The following USP10 variants were observed in gnomAD, a reference collection of about 807,000 sequenced individuals.
The protein encoded by USP10 is ubiquitin carboxyl-terminal hydrolase 10.
USP10 carries 22 observed loss-of-function variants against 84.5 expected under a neutral mutation model. The observed-to-expected ratio is 0.26, with a 90% CI of 0.19 to 0.37. The LOEUF (loss-of-function observed/expected upper bound fraction) is 0.37, where lower values mean the gene tolerates loss of function less well. Among genes scored for constraint, USP10 ranks in the 10% least tolerant of loss-of-function variants. The pLI is 1.00. For synonymous variants in USP10, 454 were observed against 387.6 expected (o/e 1.17, Z -2.01); for missense variants, 1,019 against 998.9 (o/e 1.02, Z -0.27).
intron 10 of USP10, among the ~76,000 whole-genome samples, chr16:84,765,073 C>CA (rs1422542387): frequency 1.2e-3 from 162 of 136,920 alleles, no homozygotes; most frequent in African/African-American, 1.8e-3. Flanking sequence ...AGACTGTCTT[C>CA]AAAAAAAAAA....
intron 5 of USP10, 102 bp downstream of exon 5, chr16:84,758,909 A>G: frequency 1.2e-6 from 1 of 818,320 alleles, no homozygotes; most frequent in Non-Finnish European, 2.1e-6. Flanking sequence ...CTAGCTCTCC[A>G]TTTGAATCCC....
chr16:84,764,559 G>A (rs12932991), intron 10 of USP10, among the ~76,000 whole-genome samples: 2,142 of 152,252 alleles, frequency 0.014, 22 homozygotes, highest in Non-Finnish European at 0.023. Context: ...GGCCATACGC[G>A]GTGGTTCATG....
intron 1 of USP10, among the ~76,000 whole-genome samples, chr16:84,729,316 A>G (rs182657433): frequency 6.6e-6 from 1 of 152,334 alleles, no homozygotes; most frequent in East Asian, 1.9e-4. Flanking sequence ...CAAAATGTGC[A>G]TTGCAATTCT....
chr16:84,748,572 G>C lies in USP10; in HGVS notation c.1192+2899G>C, dbSNP rs553916879. 3.8e-3 allele frequency among the ~76,000 whole-genome samples: 584 copies of C among 152,260 alleles called. 2 individuals are homozygous for C. The highest frequency in any genetic ancestry group is 5.8e-3 in the Non-Finnish European group (392 of 68,018). On this transcript the variant is annotated intron_variant, in intron 4 of 13. Coordinates refer to ENST00000219473, the MANE Select transcript of USP10 (RefSeq NM_005153.3). ...TCCTGCCTCAGCCTCTCAAAGTGCT[G>C]AGATTACAGGCGTGAGCCACCGCGC...
intron 1 of USP10, among the ~76,000 whole-genome samples, chr16:84,726,880 G>A (rs780494484): frequency 5.3e-5 from 8 of 152,212 alleles, no homozygotes; most frequent in Non-Finnish European, 7.3e-5. Flanking sequence ...CACAGGACGC[G>A]GGAAAGGAGC....
chr16:84,745,096 G>T lies in USP10; in HGVS notation c.615G>T (p.Thr205=), dbSNP rs141228656. ...EFMGDMPPSV[T]PRTCNSPQNS... ...TGGGTGACATGCCCCCGTCAGTTAC[G>T]CCCAGGACTTGTAACAGCCCCCAGA... is the stretch of plus-strand genomic sequence containing the variant. Residue 205 remains threonine, a synonymous_variant, in exon 4 of 14, where the codon ACG becomes ACT. Coordinates refer to ENST00000219473, the MANE Select transcript of USP10 (RefSeq NM_005153.3). The T allele has an allele frequency of 1.1e-5, 17 of 1,613,552 alleles. No individual in the cohort carries two copies. The South Asian group carries it at 1.5e-4, about 15-fold the overall frequency.
intron 4 of USP10, among the ~76,000 whole-genome samples, chr16:84,754,989 G>GGA (rs796755961): frequency 6.9e-6 from 1 of 145,876 alleles, no homozygotes; most frequent in East Asian, 2.0e-4. Flanking sequence ...CTTTGTCCCA[G>GGA]AAAAAAAAAA....
chr16:84,738,916 G>A (rs986411075), intron 2 of USP10, among the ~76,000 whole-genome samples: 6 of 152,274 alleles, frequency 3.9e-5, no homozygotes, highest in East Asian at 1.9e-4. Flanking sequence ...TGAACTTTGC[G>A]GCCCTAGGGC....
In USP10 at chr16:84,749,242, C is replaced by G. The variant is rs1290392820; in HGVS notation, c.1192+3569C>G. Among the ~76,000 whole-genome samples, 4 of 152,152 alleles carry G rather than the reference C, an allele frequency of 2.6e-5. No homozygotes were observed. The East Asian group carries it at 5.8e-4, about 22-fold the overall frequency. On this transcript the variant is annotated intron_variant, in intron 4 of 13. Transcript: ENST00000219473. ...ATACTCAGTTTGTTACAAGTCAGAT[C>G]CACTACCACAAATTCCCTTTAGTGG...
At position 84,740,389 on chromosome 16, in the gene USP10, AT is replaced by A. The variant is rs1024088091; in HGVS notation, c.151+23del. ...CTGATGGTAAGCTAGTTCTCTCCTT[AT>A]TTCCCTGAAGGGAATTTGGCCATAC... On this transcript the variant is annotated intron_variant, in intron 3 of 13. Transcript: ENST00000219473. 6 of 1,608,044 alleles carry A rather than the reference AT, an allele frequency of 3.7e-6. No homozygotes were observed. Among genetic ancestry groups the A allele is most frequent in the Non-Finnish European group, 5.1e-6 (6 of 1,176,116 alleles).
chr16:84,740,530 C>G (rs1218659784), intron 3 of USP10, among the ~76,000 whole-genome samples, 161 bp downstream of exon 3: 4 of 152,252 alleles, frequency 2.6e-5, no homozygotes. Flanking sequence ...ATCACTTTGA[C>G]TAGTGAATTG....
At chr16:84,701,635 T>A (rs1336226233) in intron 1 of USP10, among the ~76,000 whole-genome samples, 2 of 152,200 alleles carry the variant, frequency 1.3e-5, no homozygotes, top group Non-Finnish European at 2.9e-5. Context: ...ATAGCTCACT[T>A]CCTTTATTTA....
In USP10 at chr16:84,769,846, G is replaced by T. The variant is rs1233106671; in HGVS notation, c.1998+1488G>T. The stretch of plus-strand genomic sequence containing the variant: ...CTGGGGTGGGCTGGTAGGGGTGGCG[G>T]TGTGGGGGCAGGGGTTGAGGCGCAG... On this transcript the variant is annotated intron_variant, in intron 11 of 13. Transcript: ENST00000219473. Among the ~76,000 whole-genome samples the T allele has an allele frequency of 2.0e-5, 3 of 152,048 alleles. No individual in the cohort carries two copies. In the East Asian group the frequency reaches 5.8e-4, roughly 29 times the overall value.
intron 2 of USP10, among the ~76,000 whole-genome samples, chr16:84,739,526 G>C (rs541113275): frequency 5.9e-5 from 9 of 152,080 alleles, no homozygotes; most frequent in African/African-American, 1.2e-4. Flanking sequence ...ACCCACCTCA[G>C]CCTCCCTCAT....
At chr16:84,718,220 T>TAA (rs1907309090) in intron 1 of USP10, among the ~76,000 whole-genome samples, 1 of 152,170 alleles carries the variant, frequency 6.6e-6, no homozygotes, top group Non-Finnish European at 1.5e-5. Flanking sequence ...AGAAATGTCT[T>TAA]TTGTTCAGAA....
At chr16:84,750,070 C>G (rs1567629086) in intron 4 of USP10, among the ~76,000 whole-genome samples, 1 of 152,028 alleles carries the variant, frequency 6.6e-6, no homozygotes, top group African/African-American at 2.4e-5. Flanking sequence ...AGTGACTGGT[C>G]TGAGAGGAGA....
At chr16:84,740,805 G>C (rs1910535252) in intron 3 of USP10, among the ~76,000 whole-genome samples, 1 of 152,196 alleles carries the variant, frequency 6.6e-6, no homozygotes, top group African/African-American at 2.4e-5. Context: ...TTCATGTCCT[G>C]GTCTGTCGCT....
chr16:84,760,834 G>A (rs777204795), intron 8 of USP10, among the ~76,000 whole-genome samples: 11 of 152,284 alleles, frequency 7.2e-5, no homozygotes, highest in Non-Finnish European at 1.5e-4. Flanking sequence ...CCTTAGCACC[G>A]TTAACTGGAG....
At chr16:84,707,675 G>C (rs1905714161) in intron 1 of USP10, among the ~76,000 whole-genome samples, 1 of 152,218 alleles carries the variant, frequency 6.6e-6, no homozygotes, top group South Asian at 2.1e-4. Context: ...GAATGAAGCA[G>C]ATATTCTGGA....
Sources: gnomAD v4.1 joint callset for allele counts (sites outside exome capture counted in the v4.1 genomes callset) on GRCh38, gnomAD v4.1.1 for gene constraint, MANE v1.5 for transcripts, NCBI Gene and HGNC (gene_info 2026-07-23, HGNC 2026-07-21) for gene names.